The following PTPRR variants were observed in gnomAD, a reference collection of about 807,000 sequenced individuals.
The protein encoded by PTPRR is receptor-type tyrosine-protein phosphatase R.
Under a neutral mutation model 77.2 loss-of-function variants are expected in PTPRR, and 38 were observed. That is an observed-to-expected ratio of 0.49 (90% CI 0.38 to 0.65). The LOEUF (loss-of-function observed/expected upper bound fraction) is 0.65, where lower values mean the gene tolerates loss of function less well. Ranked by LOEUF, PTPRR falls within the 30% of genes least tolerant of loss-of-function variation. The pLI is 0.00. For missense variants in PTPRR, 744 were observed against 799.2 expected (o/e 0.93, Z 0.83); for synonymous variants, 299 against 283.1 (o/e 1.06, Z -0.57).
At chr12:70,781,019 G>C (rs1227597760) in intron 2 of PTPRR, among the ~76,000 whole-genome samples, 1 of 152,184 alleles carries the variant, frequency 6.6e-6, no homozygotes. Flanking sequence ...GAGAAAATTT[G>C]CTTGAAGGAG....
intron 2 of PTPRR, among the ~76,000 whole-genome samples, chr12:70,770,724 A>T (rs11178410): frequency 0.34 from 51,910 of 151,946 alleles, 10,119 homozygotes; most frequent in African/African-American, 0.53. Flanking sequence ...ATTGCGGCAC[A>T]ATTCACAATA....
rs529162301 is a variant in PTPRR, at chr12:70,708,177, T to C, written c.1008-6854A>G. On this transcript the variant is annotated intron_variant, in intron 6 of 13. Coordinates refer to ENST00000283228, the MANE Select transcript of PTPRR (RefSeq NM_002849.4). ...TGATTTGCAGTAAAGTGTGAACACA[T>C]TGAGGCCAAAGACTTTGACTTGAGT... 2.0e-5 allele frequency among the ~76,000 whole-genome samples: 3 copies of C among 152,260 alleles called. No homozygotes were observed. The South Asian group carries it at 6.2e-4, about 32-fold the overall frequency.
At chr12:70,848,805 C>T (rs1360843259) in intron 2 of PTPRR, among the ~76,000 whole-genome samples, 1 of 152,164 alleles carries the variant, frequency 6.6e-6, no homozygotes, top group Non-Finnish European at 1.5e-5. Context: ...GTGATAGATG[C>T]TTAGAGTTAC....
chr12:70,838,527 G>T (rs1892342517), intron 2 of PTPRR, among the ~76,000 whole-genome samples: 1 of 152,192 alleles, frequency 6.6e-6, no homozygotes, highest in South Asian at 2.1e-4. Flanking sequence ...GGGAGTGAAA[G>T]AGAAGAATCT....
chr12:70,896,857 A>G (rs1327798091), intron 1 of PTPRR, among the ~76,000 whole-genome samples: 2 of 151,756 alleles, frequency 1.3e-5, no homozygotes, highest in Non-Finnish European at 2.9e-5. Context: ...AGCACCATTT[A>G]TTAAATAGGG....
At chr12:70,700,985 G>T in intron 7 of PTPRR, 152 bp downstream of exon 7, 1 of 749,006 alleles carries the variant, frequency 1.3e-6, no homozygotes, top group Non-Finnish European at 2.1e-6. Context: ...CTTATCAATA[G>T]TGGATGAGAC....
rs1885826331 is a variant in PTPRR at position 70,638,186 on chromosome 12, T to C, written c.*998A>G. ...TGTTTGCTGAGGGTAGTTATTTTAATTTTTTTTGTCTCTTGAAGATTGAAA... is the reference window on the plus strand; with the variant it reads ...TGTTTGCTGAGGGTAGTTATTTTAACTTTTTTTGTCTCTTGAAGATTGAAA... On this transcript the variant is annotated 3_prime_UTR_variant, in exon 14 of 14. Transcript: ENST00000283228. 6.6e-6 allele frequency: 1 copy of C among 151,698 alleles called. No individual in the cohort carries two copies. The highest frequency in any genetic ancestry group is 1.5e-5 in the Non-Finnish European group (1 of 67,986). 9.4% of individuals were successfully genotyped at this position (151,698 alleles called of 1,614,324 possible).
intron 2 of PTPRR, among the ~76,000 whole-genome samples, chr12:70,814,124 T>C (rs1891858608): frequency 6.6e-6 from 1 of 152,218 alleles, no homozygotes; most frequent in Non-Finnish European, 1.5e-5. Flanking sequence ...TTAGGCTTTA[T>C]AGTCTAAGAG....
intron 2 of PTPRR, among the ~76,000 whole-genome samples, chr12:70,842,496 G>T (rs1263986476): frequency 6.6e-6 from 1 of 152,156 alleles, no homozygotes; most frequent in Non-Finnish European, 1.5e-5. Flanking sequence ...TCAAAATGTT[G>T]CAGGGCTGCG....
At chr12:70,714,335 C>A (rs933814134) in intron 6 of PTPRR, among the ~76,000 whole-genome samples, 2 of 151,956 alleles carry the variant, frequency 1.3e-5, no homozygotes, top group South Asian at 4.2e-4. Context: ...AAAGAAAGCC[C>A]TCTTCCCCTA....
chr12:70,860,103 T>G (rs1012911342), intron 2 of PTPRR, among the ~76,000 whole-genome samples: 1 of 152,106 alleles, frequency 6.6e-6, no homozygotes, highest in African/African-American at 2.4e-5. Context: ...ACTGGGATAC[T>G]TTCTGGCAAA....
At chr12:70,734,485 G>A (rs548448304) in intron 6 of PTPRR, among the ~76,000 whole-genome samples, 34 of 152,272 alleles carry the variant, frequency 2.2e-4, no homozygotes, top group African/African-American at 7.9e-4. Flanking sequence ...TGGGGTTGCA[G>A]GCTAATGGAT....
intron 2 of PTPRR, among the ~76,000 whole-genome samples, chr12:70,861,160 T>C (rs1199506217): frequency 6.6e-6 from 1 of 152,128 alleles, no homozygotes; most frequent in Non-Finnish European, 1.5e-5. Flanking sequence ...TAATATAAAC[T>C]AACAGTGTTC....
intron 2 of PTPRR, among the ~76,000 whole-genome samples, chr12:70,821,477 G>T (rs528950811): frequency 2.0e-5 from 3 of 151,534 alleles, no homozygotes; most frequent in African/African-American, 7.3e-5. Flanking sequence ...TGCCCACTCC[G>T]GCCTCTCAAA....
intron 1 of PTPRR, among the ~76,000 whole-genome samples, chr12:70,917,581 G>A (rs754976086): frequency 6.6e-5 from 10 of 152,074 alleles, no homozygotes; most frequent in Non-Finnish European, 1.5e-4. Flanking sequence ...TTTACCCAGA[G>A]ATGCCACTTA....
intron 13 of PTPRR, among the ~76,000 whole-genome samples, chr12:70,651,276 A>T (rs748362219): frequency 1.3e-5 from 2 of 152,230 alleles, no homozygotes; most frequent in Non-Finnish European, 2.9e-5. Context: ...CACTGAAAAG[A>T]ACAGATCACT....
chr12:70,813,317 T>G (rs1891842625), intron 2 of PTPRR, among the ~76,000 whole-genome samples: 2 of 152,230 alleles, frequency 1.3e-5, no homozygotes, highest in Admixed American at 1.3e-4. Flanking sequence ...AAAAGAGGAT[T>G]AACTTTTGCA....
Position 70,816,361 on chromosome 12 carries a change from C to T in PTPRR, c.358-51583G>A, listed in dbSNP as rs1891902580. Among the ~76,000 whole-genome samples, 3 of 151,840 alleles carry T rather than the reference C, an allele frequency of 2.0e-5. No homozygotes were observed. The South Asian group carries it at 6.2e-4, about 32-fold the overall frequency. The stretch of plus-strand genomic sequence containing the variant: ...GTCTATGTACTATAGTAGTAGTCAC[C>T]ACCATAAAACAATAACCTGGAATAG... On this transcript the variant is annotated intron_variant, in intron 2 of 13. Coordinates refer to ENST00000283228, the MANE Select transcript of PTPRR (RefSeq NM_002849.4).
At chr12:70,795,643 G>A (rs921566966) in intron 2 of PTPRR, among the ~76,000 whole-genome samples, 1 of 152,050 alleles carries the variant, frequency 6.6e-6, no homozygotes, top group Non-Finnish European at 1.5e-5. Context: ...AAATATATGA[G>A]TACCTCAAAA....
Sources: gnomAD v4.1 joint callset for allele counts (sites outside exome capture counted in the v4.1 genomes callset) on GRCh38, gnomAD v4.1.1 for gene constraint, MANE v1.5 for transcripts, NCBI Gene and HGNC (gene_info 2026-07-23, HGNC 2026-07-21) for gene names.